The following SLC35H1 variants were observed in gnomAD, a reference collection of about 807,000 sequenced individuals.
The protein encoded by SLC35H1 is solute carrier family 35 member H1.
At chr20:46,358,399 CTTG>C in the SLC35H1 span, 10 of 1,614,154 alleles carry the variant, frequency 6.2e-6, no homozygotes, top group East Asian at 4.5e-5. Flanking sequence ...TTGTCAGCCA[CTTG>C]TTGTAGAAGG....
At chr20:46,351,992 G>A in the SLC35H1 span, 13 of 1,565,620 alleles carry the variant, frequency 8.3e-6, no homozygotes, top group Non-Finnish European at 1.1e-5. Context: ...AGCTGCTGGT[G>A]AGAAACCCCT....
chr20:46,358,906 G>A, the SLC35H1 span: 5 of 648,164 alleles, frequency 7.7e-6, no homozygotes, highest in Non-Finnish European at 1.4e-5. Context: ...CCCACGTCGT[G>A]TCTGCTGTCT....
At chr20:46,363,695 C>T in the SLC35H1 span, among the ~76,000 whole-genome samples, 1 of 152,258 alleles carries the variant, frequency 6.6e-6, no homozygotes, top group African/African-American at 2.4e-5. Context: ...ACTGGTCTAA[C>T]TGGTCTCCCT....
the SLC35H1 span, among the ~76,000 whole-genome samples, chr20:46,360,382 G>T: frequency 4.6e-5 from 7 of 152,168 alleles, no homozygotes; most frequent in Admixed American, 4.6e-4. Flanking sequence ...GGCTGTGTCA[G>T]TCTGTGTCTG....
At chr20:46,355,205 C>T in the SLC35H1 span, 5 of 1,613,918 alleles carry the variant, frequency 3.1e-6, no homozygotes, top group Middle Eastern at 1.6e-4. The surrounding 1 kb of genome is among the most constrained non-coding windows in gnomAD (Gnocchi z 4.8). Flanking sequence ...AAGAGACCCC[C>T]GGCGATGAGG....
chr20:46,351,969 G>A, the SLC35H1 span: 2 of 1,433,474 alleles, frequency 1.4e-6, no homozygotes, highest in Non-Finnish European at 1.9e-6. Context: ...TGGGGTGCAG[G>A]AGCTGGGACT....
At chr20:46,358,593 T>G in the SLC35H1 span, 4 of 1,601,676 alleles carry the variant, frequency 2.5e-6, no homozygotes, top group Non-Finnish European at 2.6e-6. Flanking sequence ...CCGGTGGAGT[T>G]AGACCACAGC....
the SLC35H1 span, chr20:46,358,261 A>G: frequency 1.1e-6 from 1 of 905,832 alleles, no homozygotes; most frequent in Non-Finnish European, 1.8e-6. Context: ...GTTCCAGCCC[A>G]GCCGTGACTG....
At chr20:46,354,993 G>C in the SLC35H1 span, 1 of 1,613,850 alleles carries the variant, frequency 6.2e-7, no homozygotes, top group Non-Finnish European at 8.5e-7. Flanking sequence ...GGCACCATCA[G>C]GTCTGGTCCG....
At chr20:46,358,624 G>A in the SLC35H1 span, 20 of 1,567,560 alleles carry the variant, frequency 1.3e-5, no homozygotes, top group Middle Eastern at 1.7e-4. Context: ...AACGTCTCCA[G>A]GCTGGAGGAG....
At chr20:46,346,573 G>C in the SLC35H1 span, 1 of 152,124 alleles carries the variant, frequency 6.6e-6, no homozygotes, top group African/African-American at 2.4e-5. Context: ...CTGAGGTCAG[G>C]AGTTCAAGAC....
the SLC35H1 span, chr20:46,347,012 G>A: frequency 6.6e-6 from 1 of 152,340 alleles, no homozygotes; most frequent in African/African-American, 2.4e-5. Context: ...CGAGTTATGT[G>A]ACGTCCTTCC....
At chr20:46,358,286 T>G in the SLC35H1 span, 1 of 1,098,982 alleles carries the variant, frequency 9.1e-7, no homozygotes. Context: ...CCAGTTAGAC[T>G]GGTTGAAGCT....
chr20:46,355,171 T>C, the SLC35H1 span: 2 of 1,614,072 alleles, frequency 1.2e-6, no homozygotes, highest in Non-Finnish European at 1.7e-6. The surrounding 1 kb of genome is among the most constrained non-coding windows in gnomAD (Gnocchi z 4.8). Flanking sequence ...CACGTTGAAC[T>C]GTGTGGACTT....
At chr20:46,358,466 G>A in the SLC35H1 span, 20 of 1,614,020 alleles carry the variant, frequency 1.2e-5, no homozygotes, top group Middle Eastern at 1.6e-4. Context: ...GGTCAACACC[G>A]CCTTCCACAA....
chr20:46,358,735 G>A, the SLC35H1 span: 3 of 1,548,496 alleles, frequency 1.9e-6, no homozygotes, highest in Admixed American at 2.0e-5. Flanking sequence ...TGGTTAATTG[G>A]ATGCAGCGCT....
At chr20:46,351,958 C>T in the SLC35H1 span, 5 of 1,356,194 alleles carry the variant, frequency 3.7e-6, no homozygotes, top group Non-Finnish European at 5.1e-6. Flanking sequence ...CTGCAGGGCC[C>T]TGGGGTGCAG....
chr20:46,358,853 G>T, the SLC35H1 span: 1 of 845,084 alleles, frequency 1.2e-6, no homozygotes, highest in Non-Finnish European at 1.9e-6. Flanking sequence ...GTGACTCAGG[G>T]CTCTGGAGGG....
At chr20:46,362,322 C>G in the SLC35H1 span, among the ~76,000 whole-genome samples, 1 of 152,218 alleles carries the variant, frequency 6.6e-6, no homozygotes, top group Non-Finnish European at 1.5e-5. Context: ...AGTCCATATT[C>G]TGCCCCACTT....
Sources: gnomAD v4.1 joint callset for allele counts (sites outside exome capture counted in the v4.1 genomes callset) on GRCh38, gnomAD v4.1.1 for gene constraint, Gnocchi (gnomAD v3.1) non-coding constraint, MANE v1.5 for transcripts, NCBI Gene and HGNC (gene_info 2026-07-23, HGNC 2026-07-21) for gene names.